Variants in ZNF503 observed in about 807,000 individuals in gnomAD.
ZNF503 encodes zinc finger protein 503.
ZNF503 carries 15 observed loss-of-function variants against 34.4 expected under a neutral mutation model. The ratio of observed to expected loss-of-function variants is 0.44; its 90% CI spans 0.29 to 0.67. The LOEUF is 0.67. Ranked by LOEUF, ZNF503 falls within the 30% of genes least tolerant of loss-of-function variation. ZNF503 has a pLI of 0.13. For synonymous variants in ZNF503, 580 were observed against 456.8 expected, an observed-to-expected ratio of 1.27 and a Z score of -3.44; for missense variants, 1,007 against 926.8, an observed-to-expected ratio of 1.09 and a Z score of -1.12.
At chr10:75,292,133 C>T in the ZNF503 span, among the ~76,000 whole-genome samples, 2 of 152,168 alleles carry the variant, frequency 1.3e-5, no homozygotes, top group Non-Finnish European at 2.9e-5. Context: ...ACAGAGGGGA[C>T]CATGGGGGAG....
In ZNF503 at chr10:75,399,747, A is replaced by T; in HGVS notation, c.943T>A (p.Ser315Thr). ...GGGCCGGAGCCGGAGCTGGAGCCCG[A>T]TGAACCGCCGCAGTCCGAGCCCAGA... ...KALGSDCGGS[S>T]GSSSGSGPSA... The change falls in exon 2 of 2, where the codon TCG becomes ACG. Residue 315 changes from serine (S) to threonine (T), a missense_variant. Coordinates refer to ENST00000372524, the MANE Select transcript of ZNF503 (RefSeq NM_032772.6). 6.3e-7 allele frequency: 1 copy of T among 1,593,572 alleles called. No homozygotes were observed. Among genetic ancestry groups the T allele is most frequent in the Non-Finnish European group, 8.5e-7 (1 of 1,174,724 alleles).
In ZNF503 at chr10:75,399,060, C is replaced by T; in HGVS notation, c.1630G>A (p.Ala544Thr). Residue 544 changes from alanine (A) to threonine (T), a missense_variant, in exon 2 of 2, where the codon GCA becomes ACA. Transcript: ENST00000372524. ...AGCAGTTTGTCTGTCCCGGGAAATG[C>T]CGTATGGGTCCGCAAGTGGCTCAGC... ...ELLSHLRTHT[A>T]FPGTDKLLSG... The T allele has an allele frequency of 6.2e-7, 1 of 1,613,168 alleles. No individual in the cohort carries two copies.
At chr10:75,348,224 GGC>G in the ZNF503 span, among the ~76,000 whole-genome samples, 1 of 149,982 alleles carries the variant, frequency 6.7e-6, no homozygotes, top group African/African-American at 2.5e-5. Context: ...CACCACGCCT[GGC>G]TAATTTTTAT....
At chr10:75,318,061 G>T in the ZNF503 span, among the ~76,000 whole-genome samples, 2 of 152,164 alleles carry the variant, frequency 1.3e-5, no homozygotes, top group Admixed American at 6.6e-5. Context: ...TGAGCGAGTA[G>T]ATTGTAAGTA....
the ZNF503 span, among the ~76,000 whole-genome samples, chr10:75,376,974 G>T: frequency 6.6e-6 from 1 of 152,176 alleles, no homozygotes; most frequent in Non-Finnish European, 1.5e-5. Context: ...TTTGGGTGGG[G>T]ATACAGAGCC....
the ZNF503 span, among the ~76,000 whole-genome samples, chr10:75,353,610 A>C: frequency 1.3e-5 from 2 of 152,176 alleles, no homozygotes; most frequent in East Asian, 3.9e-4. Flanking sequence ...ACCACCCACC[A>C]GTCCCATCCT....
chr10:75,319,779 G>T, the ZNF503 span, among the ~76,000 whole-genome samples: 1 of 152,282 alleles, frequency 6.6e-6, no homozygotes, highest in East Asian at 1.9e-4. Context: ...CAGGTTTACC[G>T]TAAAAGGCTA....
At chr10:75,287,788 C>G in the ZNF503 span, among the ~76,000 whole-genome samples, 4 of 152,322 alleles carry the variant, frequency 2.6e-5, no homozygotes, top group East Asian at 7.7e-4. Context: ...AAGCTATGAC[C>G]TCATATCCAT....
At chr10:75,375,322 C>G in the ZNF503 span, among the ~76,000 whole-genome samples, 1 of 151,744 alleles carries the variant, frequency 6.6e-6, no homozygotes, top group Non-Finnish European at 1.5e-5. Flanking sequence ...GGGGTTTCAC[C>G]GTGTTAGCCA....
downstream of ZNF503, among the ~76,000 whole-genome samples, chr10:75,393,546 GCT>G (rs918681928): frequency 6.6e-6 from 1 of 152,166 alleles, no homozygotes; most frequent in Non-Finnish European, 1.5e-5. Context: ...TCATTCTACT[GCT>G]CTGTTTGAAA....
At chr10:75,281,319 T>A in the ZNF503 span, among the ~76,000 whole-genome samples, 2 of 151,816 alleles carry the variant, frequency 1.3e-5, no homozygotes, top group Non-Finnish European at 2.9e-5. Flanking sequence ...TGAAGAAGAT[T>A]TGGAGAGTAT....
chr10:75,366,128 C>CA, the ZNF503 span, among the ~76,000 whole-genome samples: 4 of 152,196 alleles, frequency 2.6e-5, no homozygotes, highest in South Asian at 8.3e-4. Flanking sequence ...CTGTGCCCCC[C>CA]AAAAGATTTT....
At chr10:75,363,060 G>T in the ZNF503 span, among the ~76,000 whole-genome samples, 1 of 148,596 alleles carries the variant, frequency 6.7e-6, no homozygotes, top group African/African-American at 2.6e-5. Context: ...GTGGGCATGG[G>T]TGTGTGTGTG....
the ZNF503 span, among the ~76,000 whole-genome samples, chr10:75,286,188 C>G: frequency 1.3e-5 from 2 of 149,736 alleles, no homozygotes; most frequent in Non-Finnish European, 2.9e-5. Context: ...GAGGCTGAGA[C>G]AGAAGAATTG....
At chr10:75,320,241 G>T in the ZNF503 span, among the ~76,000 whole-genome samples, 1 of 152,078 alleles carries the variant, frequency 6.6e-6, no homozygotes, top group Non-Finnish European at 1.5e-5. Context: ...CAGCACTTTG[G>T]GAGGCTGAGG....
the ZNF503 span, among the ~76,000 whole-genome samples, chr10:75,299,486 G>T: frequency 6.6e-6 from 1 of 152,014 alleles, no homozygotes; most frequent in African/African-American, 2.4e-5. Context: ...GTATTTAGGG[G>T]TTCTGTTGTT....
chr10:75,346,308 C>T, the ZNF503 span, among the ~76,000 whole-genome samples: 1 of 152,122 alleles, frequency 6.6e-6, no homozygotes, highest in Non-Finnish European at 1.5e-5. Context: ...TAAATAGATC[C>T]CTATGCTTGG....
chr10:75,320,597 C>T, the ZNF503 span, among the ~76,000 whole-genome samples: 1 of 152,152 alleles, frequency 6.6e-6, no homozygotes, highest in Admixed American at 6.5e-5. Context: ...ATGGGAGGAT[C>T]AGTTGAGGCC....
chr10:75,288,040 T>C, the ZNF503 span, among the ~76,000 whole-genome samples: 1 of 152,188 alleles, frequency 6.6e-6, no homozygotes. Flanking sequence ...CAGGTGGAGA[T>C]GGATGGCTCT....
Sources: allele counts gnomAD v4.1 joint callset (sites outside exome capture counted in the v4.1 genomes callset), GRCh38; gene constraint gnomAD v4.1.1; transcripts MANE v1.5; gene names NCBI Gene and HGNC (gene_info 2026-07-23, HGNC 2026-07-21).